The following LHPP variants were observed in gnomAD, a reference collection of about 807,000 sequenced individuals.
The protein encoded by LHPP is hLHPP.
In LHPP, 24 loss-of-function variants were observed where a neutral mutation model predicts 30.3. That is an observed-to-expected ratio of 0.79 (90% CI 0.57 to 1.11). The LOEUF (loss-of-function observed/expected upper bound fraction) is 1.11. Ranked by LOEUF, LHPP falls within the 50% of genes most tolerant of loss-of-function variation. The pLI is 0.00. For synonymous variants in LHPP, 150 were observed against 157.1 expected (o/e 0.95, Z 0.34); for missense variants, 356 against 367.2 (o/e 0.97, Z 0.25).
At chr10:124,554,650 CCCAGGTGGGAGGGG>C (rs1232639622) in intron 6 of LHPP, among the ~76,000 whole-genome samples, 1 of 152,302 alleles carries the variant, frequency 6.6e-6, no homozygotes, top group South Asian at 2.1e-4. Flanking sequence ...AAGGGGTGGG[CCCAGGTGGGAGGGG>C]CCAGGTGGGC....
chr10:124,484,197 G>T lies in LHPP; in HGVS notation c.184G>T (p.Ala62Ser). 6.2e-7 allele frequency: 1 copy of T among 1,614,146 alleles called. No individual in the cohort carries two copies. The highest frequency in any genetic ancestry group is 8.5e-7 in the Non-Finnish European group (1 of 1,180,038). The change falls in exon 2 of 7, where the codon GCA (alanine) becomes TCA (serine). Residue 62 changes from alanine (A) to serine (S), a missense_variant. Transcript: ENST00000368842. Reference sequence around the variant, plus strand: ...CACCAACGAGTCGCAGAAGTCCCGGGCAGAGCTGGTGGGGCAGCTTCAGAG... The same window carrying T: ...CACCAACGAGTCGCAGAAGTCCCGGTCAGAGCTGGTGGGGCAGCTTCAGAG... ...FCTNESQKSR[A>S]ELVGQLQRLG...
intron 6 of LHPP, among the ~76,000 whole-genome samples, chr10:124,518,215 C>A (rs1160100020): frequency 6.6e-6 from 1 of 152,218 alleles, no homozygotes; most frequent in Non-Finnish European, 1.5e-5. Flanking sequence ...ACCTCCCAGA[C>A]CCTCCCAGGC....
intron 5 of LHPP, among the ~76,000 whole-genome samples, chr10:124,506,559 C>T (rs541870433): frequency 3.3e-5 from 5 of 151,298 alleles, no homozygotes; most frequent in African/African-American, 1.2e-4. Context: ...GGCACCAAAC[C>T]ATCGTCTTCC....
intron 6 of LHPP, among the ~76,000 whole-genome samples, chr10:124,587,397 C>T (rs1435607546): frequency 6.6e-6 from 1 of 151,980 alleles, no homozygotes; most frequent in African/African-American, 2.4e-5. Context: ...GCCATGTCCC[C>T]TCCACTTCTA....
intron 6 of LHPP, among the ~76,000 whole-genome samples, chr10:124,565,881 G>T (rs1419594156): frequency 1.3e-5 from 2 of 152,228 alleles, no homozygotes; most frequent in African/African-American, 4.8e-5. Context: ...GGGGGAAGGG[G>T]TGTCACTGCA....
chr10:124,521,220 C>T (rs1954605092), intron 6 of LHPP, among the ~76,000 whole-genome samples: 1 of 152,214 alleles, frequency 6.6e-6, no homozygotes, highest in Non-Finnish European at 1.5e-5. Flanking sequence ...GTGTGGCCAG[C>T]CTGGGGCCAG....
In LHPP at chr10:124,589,859, C is replaced by T. The variant is rs527965465; in HGVS notation, c.717-23405C>T. On this transcript the variant is annotated intron_variant, in intron 6 of 6. Transcript: ENST00000368842. ...TGCAGCCCCGTCCTCCAGCCCCGCT[C>T]GGCTCTGAATGAGTTCATTATGTCT... is the stretch of plus-strand genomic sequence containing the variant. Among the ~76,000 whole-genome samples, 131 of 152,324 alleles carry T rather than the reference C, an allele frequency of 8.6e-4. No individual in the cohort carries two copies. In the Middle Eastern group the frequency reaches 0.024, roughly 28 times the overall value.
chr10:124,541,526 T>C lies in LHPP; in HGVS notation c.716+24255T>C, dbSNP rs1474834249. On this transcript the variant is annotated intron_variant, in intron 6 of 6. Transcript: ENST00000368842. This position sits in a 1 kb window ranked among gnomAD's most constrained non-coding sequence, Gnocchi z 4.2. ...TGAGGAATTCCACCTGGGCGTTTGGTGTCCCTAGCATATCTCGAATGGCAG... is the reference window on the plus strand; with the variant it reads ...TGAGGAATTCCACCTGGGCGTTTGGCGTCCCTAGCATATCTCGAATGGCAG... Among the ~76,000 whole-genome samples the C allele has an allele frequency of 1.3e-5, 2 of 152,032 alleles. No individual in the cohort carries two copies. Among genetic ancestry groups the C allele is most frequent in the African/African-American group, 2.4e-5 (1 of 41,384 alleles).
chr10:124,476,460 A>T (rs898268742), intron 1 of LHPP, among the ~76,000 whole-genome samples: 1 of 152,118 alleles, frequency 6.6e-6, no homozygotes, highest in Non-Finnish European at 1.5e-5. Context: ...GGAGAGCTGG[A>T]AGGCTGGGCA....
At chr10:124,587,102 T>A (rs1333123595) in intron 6 of LHPP, among the ~76,000 whole-genome samples, 3 of 148,378 alleles carry the variant, frequency 2.0e-5, no homozygotes, top group Non-Finnish European at 4.5e-5. Context: ...CAATCTTCAC[T>A]CATTGTAAAA....
Position 124,563,289 on chromosome 10 carries a change from GAA to G in LHPP, c.716+46020_716+46021del, listed in dbSNP as rs1948426627. ...ATGCAATAGTACTCAGCAATAAAAA[GAA>G]ACAATCTCTCTCTCTCTTTTTCTTT... On this transcript the variant is annotated intron_variant, in intron 6 of 6. Coordinates refer to ENST00000368842, the MANE Select transcript of LHPP (RefSeq NM_022126.4). Among the ~76,000 whole-genome samples the G allele has an allele frequency of 5.3e-5, 7 of 131,320 alleles. No homozygotes were observed. The South Asian group carries it at 2.0e-3, about 37-fold the overall frequency. The allele number at this position is 131,320 out of a possible 152,430, so 86.2% of individuals were successfully genotyped here. A position where few individuals can be genotyped will look rare whatever the true frequency, so the allele number is the denominator to read the frequency against.
At chr10:124,501,614 A>G (rs994634618) in intron 5 of LHPP, among the ~76,000 whole-genome samples, 6 of 150,410 alleles carry the variant, frequency 4.0e-5, no homozygotes, top group Non-Finnish European at 5.9e-5. Context: ...AAAAAAAAAA[A>G]AAAAAAAGAA....
At chr10:124,505,256 G>A (rs1357463649) in intron 5 of LHPP, among the ~76,000 whole-genome samples, 5 of 152,158 alleles carry the variant, frequency 3.3e-5, no homozygotes, top group African/African-American at 9.7e-5. Flanking sequence ...CAAATGAACT[G>A]TGTCTTATGC....
intron 3 of LHPP, among the ~76,000 whole-genome samples, chr10:124,492,575 TCTC>T (rs1953567103): frequency 6.6e-6 from 1 of 152,172 alleles, no homozygotes; most frequent in Admixed American, 6.5e-5. Context: ...GGGAATGTAC[TCTC>T]CTCCTAGTTC....
chr10:124,468,655 C>A (rs757213843), intron 1 of LHPP, among the ~76,000 whole-genome samples: 1 of 152,178 alleles, frequency 6.6e-6, no homozygotes, highest in Non-Finnish European at 1.5e-5. Flanking sequence ...CTGAAGGGGC[C>A]GCTGAGCTGT....
chr10:124,573,028 G>A (rs1475639199), intron 6 of LHPP, among the ~76,000 whole-genome samples: 1 of 152,264 alleles, frequency 6.6e-6, no homozygotes, highest in African/African-American at 2.4e-5. Context: ...GGGTAACGCA[G>A]TTGTGCCATT....
chr10:124,465,583 G>A (rs1952530619), intron 1 of LHPP, among the ~76,000 whole-genome samples: 1 of 152,228 alleles, frequency 6.6e-6, no homozygotes, highest in African/African-American at 2.4e-5. Flanking sequence ...TCATGGAAGA[G>A]GAAGTGAGAG....
intron 2 of LHPP, 82 bp downstream of exon 2, chr10:124,484,408 A>G: frequency 2.3e-6 from 3 of 1,330,852 alleles, no homozygotes; most frequent in Non-Finnish European, 2.1e-6. Flanking sequence ...AGCCTCTTTC[A>G]CTGGGCCAAA....
chr10:124,538,134 C>T (rs1955079470), intron 6 of LHPP, among the ~76,000 whole-genome samples: 1 of 151,766 alleles, frequency 6.6e-6, no homozygotes, highest in African/African-American at 2.4e-5. Context: ...GGTCACCACA[C>T]GAGTCTCACC....
Sources: gnomAD v4.1 joint callset for allele counts (sites outside exome capture counted in the v4.1 genomes callset) on GRCh38, gnomAD v4.1.1 for gene constraint, Gnocchi (gnomAD v3.1) non-coding constraint, MANE v1.5 for transcripts, NCBI Gene and HGNC (gene_info 2026-07-23, HGNC 2026-07-21) for gene names.